HERC1: variants seen among roughly 807,000 people sequenced by gnomAD.
HERC1 encodes probable E3 ubiquitin-protein ligase HERC1.
Under a neutral mutation model 554.3 loss-of-function variants are expected in HERC1, and 160 were observed. The observed-to-expected ratio is 0.29, with a 90% CI of 0.25 to 0.33. HERC1 has a LOEUF of 0.33. Among genes scored for constraint, HERC1 ranks in the 10% least tolerant of loss-of-function variants. HERC1 has a pLI of 1.00. For missense variants in HERC1, 4,919 were observed against 5,918.5 expected (o/e 0.83, Z 5.54); for synonymous variants, 2,175 against 2,131.7 (o/e 1.02, Z -0.56).
chr15:63,678,173 T>C lies in HERC1; in HGVS notation c.6742A>G (p.Ile2248Val), dbSNP rs952488584. The change falls in exon 37 of 78, where the codon ATT (isoleucine) becomes GTT (valine). Residue 2248 changes from isoleucine to valine, a missense_variant. Ile to Val is a conservative substitution (Grantham distance 29). Coordinates refer to ENST00000443617, the MANE Select transcript of HERC1 (RefSeq NM_003922.4). ...TTTAGCTTCTGACCTGACTCTTTAA[T>C]ACATATCTTAATTTTGTGAAGCCTT... ...MERLHKIKIC[I>V]KESGQKLKKS... 2 of 1,613,840 alleles carry C rather than the reference T, an allele frequency of 1.2e-6. No individual in the cohort carries two copies. Among genetic ancestry groups the C allele is most frequent in the South Asian group, 1.1e-5 (1 of 91,086 alleles).
chr15:63,826,807 A>ATCT (rs1567168461), intron 1 of HERC1, among the ~76,000 whole-genome samples: 13 of 68,236 alleles, frequency 1.9e-4, no homozygotes, highest in Non-Finnish European at 3.6e-4. Flanking sequence ...AAAAAAAAAA[A>ATCT]AAAAAAAATA....
At chr15:63,657,059 C>G (rs1358299560) in intron 48 of HERC1, among the ~76,000 whole-genome samples, 1 of 152,154 alleles carries the variant, frequency 6.6e-6, no homozygotes, top group African/African-American at 2.4e-5. Flanking sequence ...AAGTGGATCT[C>G]TGGGTCACAG....
At chr15:63,776,315 C>G (rs995098078) in intron 1 of HERC1, among the ~76,000 whole-genome samples, 4 of 152,140 alleles carry the variant, frequency 2.6e-5, no homozygotes, top group African/African-American at 9.7e-5. Context: ...TACCACCACC[C>G]CACCCAAACC....
At chr15:63,698,014 GCTCA>G (rs1391333803) in intron 26 of HERC1, among the ~76,000 whole-genome samples, 1 of 152,126 alleles carries the variant, frequency 6.6e-6, no homozygotes, top group African/African-American at 2.4e-5. Flanking sequence ...TTCAAGTTTT[GCTCA>G]CTCATTTTAG....
chr15:63,691,588 A>G (rs2072113653), intron 31 of HERC1, among the ~76,000 whole-genome samples: 1 of 152,152 alleles, frequency 6.6e-6, no homozygotes, highest in Non-Finnish European at 1.5e-5. Context: ...ATAAATGAAT[A>G]TCTGATTTTT....
At chr15:63,820,689 T>C (rs1409387488) in intron 1 of HERC1, among the ~76,000 whole-genome samples, 1 of 152,200 alleles carries the variant, frequency 6.6e-6, no homozygotes. Context: ...GTTATCCTTT[T>C]TTTTTTGCTT....
At chr15:63,754,683 C>G (rs763911498) in intron 6 of HERC1, 35 bp from the exon 7 acceptor site, 2 of 1,591,952 alleles carry the variant, frequency 1.3e-6, no homozygotes, top group East Asian at 2.3e-5. Context: ...AAAGAAACAA[C>G]ATTAACTCTT....
intron 24 of HERC1, among the ~76,000 whole-genome samples, chr15:63,712,219 C>T (rs2073333306): frequency 6.6e-6 from 1 of 152,062 alleles, no homozygotes; most frequent in Non-Finnish European, 1.5e-5. Flanking sequence ...GGTGAGGCAA[C>T]CAGTTTGAAG....
In HERC1 at chr15:63,663,124, A is replaced by G. The variant is rs2070439461; in HGVS notation, c.8761T>C (p.Leu2921=). The G allele has an allele frequency of 1.2e-6, 2 of 1,613,810 alleles. No homozygotes were observed. Among genetic ancestry groups the G allele is most frequent in the Non-Finnish European group, 1.7e-6 (2 of 1,179,860 alleles). ...TCCTCATCTAAATTAAAGTCATACA[A>G]CGCCCCTGGGTCTTGCTGCAAAGAT... The part of the protein sequence containing the change: ...GISLQQDPGA[L]YDFNLDEELE... The change falls in exon 44 of 78, where the codon TTG becomes CTG. Residue 2921 remains leucine, a synonymous_variant. Transcript: ENST00000443617.
intron 3 of HERC1, among the ~76,000 whole-genome samples, chr15:63,762,860 G>A (rs556299532): frequency 6.6e-6 from 1 of 152,346 alleles, no homozygotes; most frequent in Admixed American, 6.5e-5. Flanking sequence ...GGCAGGGCTT[G>A]CATAATGTCC....
At chr15:63,630,267 C>T (rs2068487082) in intron 69 of HERC1, among the ~76,000 whole-genome samples, 199 bp downstream of exon 69, 1 of 152,150 alleles carries the variant, frequency 6.6e-6, no homozygotes, top group South Asian at 2.1e-4. Flanking sequence ...TTGTTTTAAA[C>T]CATGGTATAA....
rs77087691 is a variant in HERC1, at chr15:63,609,057, G to C, written c.*24C>G. 4,986 of 1,600,860 alleles carry C rather than the reference G, an allele frequency of 3.1e-3. 152 individuals carry two copies. In the African/African-American group the frequency reaches 0.06, roughly 19 times the overall value. ...AAGTGAGCATTATTGAGGGAGAGAA[G>C]GGAGGGTGAGAGCACCCGCACGGTC... On this transcript the variant is annotated 3_prime_UTR_variant, in exon 78 of 78. Transcript: ENST00000443617.
chr15:63,759,668 C>A (rs1271825042), intron 3 of HERC1, among the ~76,000 whole-genome samples: 2 of 152,158 alleles, frequency 1.3e-5, no homozygotes, highest in African/African-American at 4.8e-5. Context: ...CTTGTATGAA[C>A]TCAATACAAT....
chr15:63,797,637 T>G (rs2076852644), intron 1 of HERC1, among the ~76,000 whole-genome samples: 1 of 152,194 alleles, frequency 6.6e-6, no homozygotes, highest in African/African-American at 2.4e-5. Flanking sequence ...TACATCAATT[T>G]GAATAATAAC....
chr15:63,794,302 A>G (rs767060084), intron 1 of HERC1, among the ~76,000 whole-genome samples: 44 of 152,290 alleles, frequency 2.9e-4, no homozygotes, highest in Non-Finnish European at 4.3e-4. Flanking sequence ...CGTGAGATCC[A>G]AGAACCCTCT....
chr15:63,715,697 T>C (rs1016670315), intron 22 of HERC1, among the ~76,000 whole-genome samples: 2 of 152,190 alleles, frequency 1.3e-5, no homozygotes, highest in African/African-American at 4.8e-5. Flanking sequence ...ACTCAAAAGA[T>C]ACTAATAAAT....
intron 12 of HERC1, among the ~76,000 whole-genome samples, chr15:63,738,479 T>C (rs1226537242): frequency 6.6e-6 from 1 of 152,122 alleles, no homozygotes; most frequent in Non-Finnish European, 1.5e-5. Context: ...ATTAACATAA[T>C]AGGAAGGTGG....
intron 39 of HERC1, 66 bp from the exon 40 acceptor site, chr15:63,669,764 T>A: frequency 6.9e-7 from 1 of 1,445,810 alleles, no homozygotes; most frequent in Non-Finnish European, 9.6e-7. Flanking sequence ...CATCACAATC[T>A]TCTTATAGAA....
At chr15:63,641,734 C>T in intron 59 of HERC1, 91 bp from the exon 60 acceptor site, 1 of 1,071,874 alleles carries the variant, frequency 9.3e-7, no homozygotes, top group Non-Finnish European at 1.3e-6. Flanking sequence ...CTTCTAGTAA[C>T]TGGGACATCT....
Sources: gnomAD v4.1 joint callset for allele counts (sites outside exome capture counted in the v4.1 genomes callset) on GRCh38, gnomAD v4.1.1 for gene constraint, MANE v1.5 for transcripts, NCBI Gene and HGNC (gene_info 2026-07-23, HGNC 2026-07-21) for gene names.